The following ATP1A4 variants were observed in gnomAD, a reference collection of about 807,000 sequenced individuals.
ATP1A4 encodes the protein sodium/potassium-transporting ATPase subunit alpha-4.
Under a neutral mutation model 114.3 loss-of-function variants are expected in ATP1A4, and 90 were observed. The observed-to-expected ratio is 0.79, with a 90% CI of 0.66 to 0.94. The LOEUF is 0.94. ATP1A4 is among the 40% of genes least tolerant of loss of function. ATP1A4 has a pLI of 0.00. For synonymous variants in ATP1A4, 511 were observed against 494.1 expected (o/e 1.03, Z -0.45); for missense variants, 1,222 against 1,313.6 (o/e 0.93, Z 1.08).
intron 4 of ATP1A4, among the ~76,000 whole-genome samples, chr1:160,157,921 G>A (rs1339422842): frequency 6.6e-6 from 1 of 152,102 alleles, no homozygotes. Flanking sequence ...TCCTAGGCAC[G>A]GGACTGGAAA....
intron 17 of ATP1A4, 74 bp downstream of exon 17, chr1:160,176,676 T>C: frequency 7.6e-6 from 12 of 1,581,806 alleles, no homozygotes; most frequent in Non-Finnish European, 9.5e-6. Context: ...GCCATCTCAG[T>C]TTGGAAGTCA....
intron 8 of ATP1A4, 74 bp downstream of exon 8, chr1:160,166,800 G>T (rs1303410221): frequency 1.3e-6 from 2 of 1,591,312 alleles, no homozygotes; most frequent in Non-Finnish European, 1.7e-6. Flanking sequence ...AGAGAATGGT[G>T]AGTCCAGACA....
chr1:160,166,737 G>A lies in ATP1A4; in HGVS notation c.1246+11G>A, dbSNP rs1368191235. ...CTGAAGAACAGACTGGTGACTAGTGGTATTGGTGGAACAAGAGTGGAGGGA... is the reference window on the plus strand; with the variant it reads ...CTGAAGAACAGACTGGTGACTAGTGATATTGGTGGAACAAGAGTGGAGGGA... On this transcript the variant is annotated intron_variant, in intron 8 of 21. Transcript: ENST00000368081. 6.2e-7 allele frequency: 1 copy of A among 1,614,058 alleles called. No individual in the cohort carries two copies. The highest frequency in any genetic ancestry group is 2.2e-5 in the East Asian group (1 of 44,888).
chr1:160,176,675 G>C (rs1653478188), intron 17 of ATP1A4, 73 bp downstream of exon 17: 19 of 1,582,770 alleles, frequency 1.2e-5, no homozygotes, highest in South Asian at 7.9e-5. Context: ...AGCCATCTCA[G>C]TTTGGAAGTC....
At chr1:160,180,030 G>A (rs1399217015) in intron 18 of ATP1A4, among the ~76,000 whole-genome samples, 4 of 152,186 alleles carry the variant, frequency 2.6e-5, no homozygotes, top group Non-Finnish European at 5.9e-5. Context: ...AACATCATTG[G>A]AGGAGATCAA....
At chr1:160,172,949 G>A (rs1267742756) in intron 12 of ATP1A4, among the ~76,000 whole-genome samples, 2 of 152,214 alleles carry the variant, frequency 1.3e-5, no homozygotes, top group African/African-American at 4.8e-5. Context: ...AGCCACCCTT[G>A]CAGAGCTCTC....
intron 18 of ATP1A4, among the ~76,000 whole-genome samples, chr1:160,180,930 G>A (rs541199766): frequency 8.2e-4 from 125 of 151,890 alleles, no homozygotes; most frequent in East Asian, 1.6e-3. Flanking sequence ...TAGCCAGGAT[G>A]GTCTTGATCT....
chr1:160,185,556 C>A (rs1419564885), intron 20 of ATP1A4, among the ~76,000 whole-genome samples: 1 of 152,012 alleles, frequency 6.6e-6, no homozygotes, highest in Non-Finnish European at 1.5e-5. Flanking sequence ...GAGGCTGAGG[C>A]GGGTGGACTG....
At chr1:160,181,026 T>C (rs1653681264) in intron 18 of ATP1A4, among the ~76,000 whole-genome samples, 2 of 152,092 alleles carry the variant, frequency 1.3e-5, no homozygotes, top group African/African-American at 4.8e-5. Flanking sequence ...TGCCTTCCTT[T>C]CTAACTCCAC....
chr1:160,159,061 G>A lies in ATP1A4; in HGVS notation c.585G>A (p.Leu195=), dbSNP rs756812158. The change falls in exon 5 of 22, where the codon TTG becomes TTA. Residue 195 remains leucine, a synonymous_variant. Coordinates refer to ENST00000368081, the MANE Select transcript of ATP1A4 (RefSeq NM_144699.4). Reference sequence around the variant, plus strand: ...AAATTAATGTACAAGAGGTGGTGTTGGGAGACCTGGTGGAAATCAAGGGTG... The same window carrying A: ...AAATTAATGTACAAGAGGTGGTGTTAGGAGACCTGGTGGAAATCAAGGGTG... ...KMQINVQEVV[L]GDLVEIKGGD... 5.0e-6 allele frequency: 8 copies of A among 1,614,110 alleles called. No homozygotes were observed. In the South Asian group the frequency reaches 8.8e-5, roughly 18 times the overall value.
Position 160,153,194 on chromosome 1 carries a change from G to T in ATP1A4, c.177G>T (p.Leu59=). The change falls in exon 2 of 22, where the codon CTG becomes CTT. Residue 59 remains leucine (L), a synonymous_variant. Transcript: ENST00000368081. ...ATCACAAATTAACCTTGGAAGAGCT[G>T]AGCACCAAGTACTCCGTGGACCTGA... The part of the protein sequence containing the change: ...MDDHKLTLEE[L]STKYSVDLTK... The T allele has an allele frequency of 6.2e-7, 1 of 1,613,912 alleles. No individual in the cohort carries two copies. Among genetic ancestry groups the T allele is most frequent in the Non-Finnish European group, 8.5e-7 (1 of 1,179,916 alleles).
intron 10 of ATP1A4, among the ~76,000 whole-genome samples, chr1:160,168,290 C>T (rs1218691970): frequency 1.3e-5 from 2 of 151,830 alleles, no homozygotes; most frequent in Non-Finnish European, 2.9e-5. Context: ...TTCTTCAACT[C>T]CTTGCATTAC....
intron 15 of ATP1A4, among the ~76,000 whole-genome samples, chr1:160,175,733 G>A (rs2101649007): frequency 6.6e-6 from 1 of 152,106 alleles, no homozygotes; most frequent in South Asian, 2.1e-4. Flanking sequence ...GCAGAAGATG[G>A]GATTTGAACA....
rs1363666839 is a variant in ATP1A4 at position 160,174,179 on chromosome 1, T to C, written c.2060T>C (p.Ile687Thr). The C allele has an allele frequency of 1.2e-6, 2 of 1,613,974 alleles. No individual in the cohort carries two copies. Among genetic ancestry groups the C allele is most frequent in the Non-Finnish European group, 8.5e-7 (1 of 1,180,042 alleles). The change falls in exon 14 of 22, where the codon ATC becomes ACC. Residue 687 changes from isoleucine to threonine, a missense_variant. Physicochemically the swap from Ile to Thr is moderately conservative, Grantham distance 89 (BLOSUM62 -1). Coordinates refer to ENST00000368081, the MANE Select transcript of ATP1A4 (RefSeq NM_144699.4). ...ATACAGTCCAAGCAGCTTGATCAGA[T>C]CCTCCAGAACCACCCTGAGATCGTG... ...KDIQSKQLDQ[I>T]LQNHPEIVFA...
intron 12 of ATP1A4, 150 bp downstream of exon 12, chr1:160,171,907 T>G (rs1224319484): frequency 1.2e-6 from 1 of 802,014 alleles, no homozygotes; most frequent in African/African-American, 1.7e-5. Context: ...TAATAGTAAG[T>G]TTCCTCTCCA....
chr1:160,153,099 C>A, intron 1 of ATP1A4, 66 bp from the exon 2 acceptor site: 1 of 1,292,584 alleles, frequency 7.7e-7, no homozygotes, highest in Non-Finnish European at 1.1e-6. Context: ...CAGTCTGTTT[C>A]TCCCCCTCTC....
chr1:160,168,258 A>G (rs982746605), intron 10 of ATP1A4, among the ~76,000 whole-genome samples: 1 of 152,228 alleles, frequency 6.6e-6, no homozygotes, highest in Non-Finnish European at 1.5e-5. Context: ...CGGGGCAATC[A>G]TGATTTGCTC....
At position 160,153,081 on chromosome 1, in the gene ATP1A4, A is replaced by G; in HGVS notation, c.148-84A>G. ...AATGGAGCAGTCTCAGTTTGGACTA[A>G]CATTCTCCAGTCTGTTTCTCCCCCT... On this transcript the variant is annotated intron_variant, in intron 1 of 21. Coordinates refer to ENST00000368081, the MANE Select transcript of ATP1A4 (RefSeq NM_144699.4). The G allele has an allele frequency of 7.9e-6, 9 of 1,133,284 alleles. 1 individual carries two copies. In the South Asian group the frequency reaches 1.1e-4, roughly 14 times the overall value. 70.2% of individuals were successfully genotyped at this position (1,133,284 alleles called of 1,614,324 possible).
chr1:160,186,164 C>G, intron 20 of ATP1A4, 112 bp from the exon 21 acceptor site: 1 of 775,014 alleles, frequency 1.3e-6, no homozygotes, highest in South Asian at 1.3e-5. Flanking sequence ...CACAGTCCCA[C>G]GCACACAGTA....
Sources: allele counts gnomAD v4.1 joint callset (sites outside exome capture counted in the v4.1 genomes callset), GRCh38; gene constraint gnomAD v4.1.1; transcripts MANE v1.5; gene names NCBI Gene and HGNC (gene_info 2026-07-23, HGNC 2026-07-21).